Variants in ATP10B observed in about 807,000 individuals in gnomAD.
The protein encoded by ATP10B is ATPase phospholipid transporting 10B (putative).
Under a neutral mutation model 141.2 loss-of-function variants are expected in ATP10B, and 122 were observed. That is an observed-to-expected ratio of 0.86 (90% confidence interval 0.75 to 1.00). The LOEUF (loss-of-function observed/expected upper bound fraction) is 1.00, where lower values mean the gene tolerates loss of function less well. Ranked by LOEUF, ATP10B falls within the 50% of genes least tolerant of loss-of-function variation. The probability of loss-of-function intolerance (pLI) is 0.00; values close to 1 mark genes in which losing one functional copy is unlikely to be tolerated. For synonymous variants in ATP10B, 685 were observed against 692.0 expected, an observed-to-expected ratio of 0.99 and a Z score of 0.16; for missense variants, 1,876 against 1,825.3, an observed-to-expected ratio of 1.03 and a Z score of -0.51.
the ATP10B span, among the ~76,000 whole-genome samples, chr5:160,862,844 G>A: frequency 2.0e-5 from 3 of 151,844 alleles, no homozygotes; most frequent in Non-Finnish European, 2.9e-5. Context: ...CCACATAAAA[G>A]TTCCTTGGAA....
At chr5:160,697,607 G>A (rs993033894) in intron 3 of ATP10B, among the ~76,000 whole-genome samples, 4 of 152,090 alleles carry the variant, frequency 2.6e-5, no homozygotes, top group Admixed American at 1.3e-4. Context: ...AGGGTGGGGT[G>A]GGGTGGGGAT....
At chr5:160,748,534 C>T (rs1333508021) in intron 2 of ATP10B, among the ~76,000 whole-genome samples, 3 of 152,220 alleles carry the variant, frequency 2.0e-5, no homozygotes, top group African/African-American at 7.2e-5. Context: ...TCTAGTTCTC[C>T]TGCCTCCTGC....
the ATP10B span, among the ~76,000 whole-genome samples, chr5:160,895,909 C>A: frequency 2.6e-5 from 4 of 152,062 alleles, no homozygotes; most frequent in Non-Finnish European, 4.4e-5. Context: ...CAAAACCACA[C>A]AACAAATGGA....
the ATP10B span, among the ~76,000 whole-genome samples, chr5:160,904,283 A>G: frequency 6.6e-6 from 1 of 152,126 alleles, no homozygotes; most frequent in Non-Finnish European, 1.5e-5. Flanking sequence ...TAGCTAGGTA[A>G]CCTACTTAAT....
At chr5:160,775,026 C>G (rs576046662) in intron 2 of ATP10B, among the ~76,000 whole-genome samples, 21 of 152,342 alleles carry the variant, frequency 1.4e-4, no homozygotes, top group Middle Eastern at 3.4e-3. Flanking sequence ...TATGGAGATT[C>G]AGATGAATCT....
chr5:160,752,535 A>C (rs1412590099), intron 2 of ATP10B, among the ~76,000 whole-genome samples: 1 of 152,096 alleles, frequency 6.6e-6, no homozygotes, highest in Non-Finnish European at 1.5e-5. Context: ...ACACCATTTT[A>C]TCTTTTTGGG....
chr5:160,783,562 T>C (rs927152853), intron 2 of ATP10B, among the ~76,000 whole-genome samples: 221 of 131,308 alleles, frequency 1.7e-3, no homozygotes, highest in African/African-American at 6.1e-3. Context: ...ATATATATGA[T>C]ACACACACAC....
chr5:160,908,715 C>CCA, the ATP10B span, among the ~76,000 whole-genome samples: 3 of 152,138 alleles, frequency 2.0e-5, no homozygotes, highest in African/African-American at 7.2e-5. Context: ...GTCCTAGCTC[C>CCA]CAGCATGAGG....
At chr5:160,853,055 CAAG>C (rs1753887883), upstream of ATP10B, among the ~76,000 whole-genome samples, 1 of 151,948 alleles carries the variant, frequency 6.6e-6, no homozygotes, top group Non-Finnish European at 1.5e-5. Flanking sequence ...ATCAGAATAC[CAAG>C]AAGAAACATG....
intron 1 of ATP10B, among the ~76,000 whole-genome samples, chr5:160,796,260 T>C (rs1483894757): frequency 1.3e-5 from 2 of 152,192 alleles, no homozygotes; most frequent in Non-Finnish European, 2.9e-5. Flanking sequence ...ATCTTCCTTG[T>C]CTCCATCACC....
At chr5:160,589,932 GGAAT>G (rs1159672941) in intron 23 of ATP10B, among the ~76,000 whole-genome samples, 6 of 152,266 alleles carry the variant, frequency 3.9e-5, no homozygotes, top group Non-Finnish European at 5.9e-5. Context: ...AAACCATTGT[GGAAT>G]GAATGAAGAC....
At chr5:160,638,926 A>G (rs538584659) in intron 10 of ATP10B, among the ~76,000 whole-genome samples, 4 of 152,246 alleles carry the variant, frequency 2.6e-5, no homozygotes, top group African/African-American at 9.6e-5. Flanking sequence ...ATCAACTTAA[A>G]GGGCTCCAGA....
At chr5:160,608,549 G>A (rs1175556423) in intron 18 of ATP10B, among the ~76,000 whole-genome samples, 1 of 152,162 alleles carries the variant, frequency 6.6e-6, no homozygotes, top group Non-Finnish European at 1.5e-5. Flanking sequence ...CCCACCGATA[G>A]TGTAAAAGCA....
Position 160,649,256 on chromosome 5 carries a change from C to T in ATP10B, c.676G>A (p.Glu226Lys), listed in dbSNP as rs564400633. The T allele has an allele frequency of 7.4e-6, 12 of 1,612,162 alleles. No homozygotes were observed. The East Asian group carries it at 2.5e-4, about 33-fold the overall frequency. ...AAAAGCTCTGGTTCGAACTGTACCT[C>T]CTGTGAGAGAGAGGACTCTGTGAGT... ...RCVVKGFSQQEVQFEPELFHN... is the reference protein window; with the variant it reads ...RCVVKGFSQQKVQFEPELFHN... Residue 226 changes from glutamate (E) to lysine (K), a missense_variant and splice_region_variant, in exon 8 of 26, where the codon GAG becomes AAG. Coordinates refer to ENST00000327245, the MANE Select transcript of ATP10B (RefSeq NM_025153.3).
chr5:160,656,073 C>A (rs182394897), intron 7 of ATP10B, among the ~76,000 whole-genome samples: 1 of 152,168 alleles, frequency 6.6e-6, no homozygotes, highest in African/African-American at 2.4e-5. Flanking sequence ...ATTTCCCTTG[C>A]GCTTGCCTCA....
chr5:160,606,701 TG>T, intron 19 of ATP10B, 63 bp downstream of exon 19: 1 of 1,526,964 alleles, frequency 6.5e-7, no homozygotes, highest in Non-Finnish European at 8.9e-7. Flanking sequence ...CTCCCACCTC[TG>T]GTCCAGCCTT....
chr5:160,771,402 C>T (rs1769890280), intron 2 of ATP10B, among the ~76,000 whole-genome samples: 1 of 152,124 alleles, frequency 6.6e-6, no homozygotes, highest in South Asian at 2.1e-4. Flanking sequence ...GGGTGTCCCA[C>T]ATATAGGGTA....
chr5:160,699,320 A>G (rs1764549053), intron 3 of ATP10B, among the ~76,000 whole-genome samples: 1 of 152,238 alleles, frequency 6.6e-6, no homozygotes, highest in South Asian at 2.1e-4. Flanking sequence ...TACTGACAAA[A>G]TAATTAAGTT....
chr5:160,777,328 C>T (rs1405665754), intron 2 of ATP10B, among the ~76,000 whole-genome samples: 1 of 152,166 alleles, frequency 6.6e-6, no homozygotes, highest in Non-Finnish European at 1.5e-5. Flanking sequence ...CTGATGCTGT[C>T]CTTACTACAC....
Sources: allele counts gnomAD v4.1 joint callset (sites outside exome capture counted in the v4.1 genomes callset), GRCh38; gene constraint gnomAD v4.1.1; transcripts MANE v1.5; gene names NCBI Gene and HGNC (gene_info 2026-07-23, HGNC 2026-07-21).